TRPM3: variants seen among roughly 807,000 people sequenced by gnomAD.
TRPM3 encodes long transient receptor potential channel 3.
In TRPM3, 77 loss-of-function variants were observed where a neutral mutation model predicts 181.2. That is an observed-to-expected ratio of 0.42 (90% CI 0.35 to 0.51). TRPM3 has a LOEUF of 0.51. TRPM3 is among the 20% of genes least tolerant of loss of function. The probability of loss-of-function intolerance (pLI) is 0.01; values close to 1 mark genes in which losing one functional copy is unlikely to be tolerated. For synonymous variants in TRPM3, 745 were observed against 796.4 expected, an observed-to-expected ratio of 0.94 and a Z score of 1.09; for missense variants, 1,759 against 2,196.7, an observed-to-expected ratio of 0.80 and a Z score of 3.98.
At chr9:70,570,968 A>C (rs1746786187) in intron 22 of TRPM3, among the ~76,000 whole-genome samples, 1 of 152,188 alleles carries the variant, frequency 6.6e-6, no homozygotes, top group African/African-American at 2.4e-5. Flanking sequence ...GGAAGAGATA[A>C]TGAGGTACAT....
chr9:71,231,351 G>A (rs2081037685), intron 1 of TRPM3, among the ~76,000 whole-genome samples: 1 of 152,102 alleles, frequency 6.6e-6, no homozygotes, highest in Admixed American at 6.5e-5. Flanking sequence ...GAGAGAGAGA[G>A]GGAGACTGGA....
At chr9:71,178,686 T>G (rs1030445422) in intron 1 of TRPM3, among the ~76,000 whole-genome samples, 1 of 152,160 alleles carries the variant, frequency 6.6e-6, no homozygotes, top group Non-Finnish European at 1.5e-5. Flanking sequence ...GCAGGAAAAT[T>G]CTGAGAAGAT....
chr9:70,774,994 T>C (rs1170991728), intron 7 of TRPM3: 1 of 152,224 alleles, frequency 6.6e-6, no homozygotes, highest in Non-Finnish European at 1.5e-5. Context: ...CTGCTCTATA[T>C]AGTTTTCATA....
chr9:70,687,085 G>A lies in TRPM3; in HGVS notation c.1273-5507C>T, dbSNP rs548548408. 3.9e-5 allele frequency among the ~76,000 whole-genome samples: 6 copies of A among 152,088 alleles called. No individual in the cohort carries two copies. The South Asian group carries it at 6.2e-4, about 16-fold the overall frequency. The stretch of plus-strand genomic sequence containing the variant: ...GTTGGGATCACGGGTGTCAGCCACT[G>A]CGCTGGATCTGAAACACTAGTTTCT... On this transcript the variant is annotated intron_variant, in intron 8 of 25. Transcript: ENST00000677713.
In TRPM3 at chr9:70,978,484, C is replaced by T. The variant is rs141382820; in HGVS notation, c.178-113973G>A. 4.6e-3 allele frequency among the ~76,000 whole-genome samples: 706 copies of T among 152,222 alleles called. 2 individuals carry two copies. Among genetic ancestry groups the T allele is most frequent in the Middle Eastern group, 0.01 (3 of 294 alleles). ...GGTTTTTTTCTCTTCTCAAAACTTA[C>T]GCTCTTTCTCTTCCAGCAACAATCC... On this transcript the variant is annotated intron_variant, in intron 1 of 25. Coordinates refer to ENST00000677713, the MANE Select transcript of TRPM3 (RefSeq NM_001366145.2).
intron 1 of TRPM3, among the ~76,000 whole-genome samples, chr9:71,009,156 C>T (rs189902611): frequency 6.6e-6 from 1 of 152,096 alleles, no homozygotes; most frequent in South Asian, 2.1e-4. Context: ...TGATCTGGAA[C>T]AAGACAAGGG....
chr9:71,396,799 T>TA lies in TRPM3; in HGVS notation c.183+49853dup, dbSNP rs528130723. Among the ~76,000 whole-genome samples the TA allele has an allele frequency of 2.4e-3, 357 of 150,856 alleles. 1 individual carries two copies. Among genetic ancestry groups the TA allele is most frequent in the African/African-American group, 7.8e-3 (320 of 41,122 alleles). On this transcript the variant is annotated intron_variant, in intron 1 of 24. Transcript: ENST00000357533. ...TAACACGGTGAAACCCCATCTCTAC[T>TA]AAAAAAAATACAAAAAATTTGCCAG...
At chr9:71,023,060 C>A (rs2097859568) in intron 1 of TRPM3, among the ~76,000 whole-genome samples, 1 of 151,934 alleles carries the variant, frequency 6.6e-6, no homozygotes, top group South Asian at 2.1e-4. Flanking sequence ...AGCTATAAAG[C>A]AGACTTGGTA....
At chr9:71,333,305 T>C (rs1363405205) in intron 1 of TRPM3, among the ~76,000 whole-genome samples, 1 of 151,918 alleles carries the variant, frequency 6.6e-6, no homozygotes, top group Non-Finnish European at 1.5e-5. Context: ...AGTACGAAAT[T>C]GACTTCTCAA....
intron 6 of TRPM3, among the ~76,000 whole-genome samples, chr9:70,803,909 C>A (rs896735686): frequency 3.9e-5 from 6 of 152,182 alleles, no homozygotes; most frequent in African/African-American, 1.4e-4. Context: ...TCTCTTTGAA[C>A]AGACCTTTAT....
chr9:71,089,099 T>TTATA (rs3040588), intron 1 of TRPM3, among the ~76,000 whole-genome samples: 52 of 147,632 alleles, frequency 3.5e-4, no homozygotes, highest in Non-Finnish European at 5.7e-4. Flanking sequence ...CATATATATA[T>TTATA]TATATATATG....
At chr9:70,869,539 A>G (rs1420846362) in intron 1 of TRPM3, among the ~76,000 whole-genome samples, 1 of 152,076 alleles carries the variant, frequency 6.6e-6, no homozygotes, top group African/African-American at 2.4e-5. Context: ...CATTTCTTTA[A>G]AGAGAAACTG....
chr9:70,752,226 A>C (rs1726019956), intron 8 of TRPM3, among the ~76,000 whole-genome samples: 2 of 152,296 alleles, frequency 1.3e-5, no homozygotes, highest in South Asian at 4.1e-4. Flanking sequence ...AAAATAGGGC[A>C]CCAGGGAAGG....
chr9:71,238,111 C>T lies in TRPM3; in HGVS notation c.183+208542G>A, dbSNP rs114046218. ...CAACTTTTTTTTCAAATCAAAGTAA[C>T]ACCTCTTCTGCATTTCTAAAAAGTA... On this transcript the variant is annotated intron_variant, in intron 1 of 24. Coordinates refer to the TRPM3 transcript ENST00000357533. Among the ~76,000 whole-genome samples, 222 of 152,254 alleles carry T rather than the reference C, an allele frequency of 1.5e-3. 3 individuals are homozygous for T. The highest frequency in any genetic ancestry group is 4.8e-3 in the African/African-American group (199 of 41,532).
chr9:70,857,426 G>C (rs186737752), intron 3 of TRPM3, among the ~76,000 whole-genome samples: 29 of 152,236 alleles, frequency 1.9e-4, no homozygotes, highest in Admixed American at 1.8e-3. Context: ...TGTGAACCTA[G>C]GATGTAAGTT....
At chr9:70,990,877 T>G (rs1373396954) in intron 1 of TRPM3, among the ~76,000 whole-genome samples, 1 of 152,188 alleles carries the variant, frequency 6.6e-6, no homozygotes, top group Non-Finnish European at 1.5e-5. Flanking sequence ...TCCTGAAGCT[T>G]GCATACTCAA....
intron 22 of TRPM3, among the ~76,000 whole-genome samples, chr9:70,590,383 G>A (rs1367009260): frequency 1.3e-5 from 2 of 152,112 alleles, no homozygotes; most frequent in Non-Finnish European, 2.9e-5. Flanking sequence ...ACACTGAATC[G>A]TTTCATAATA....
At chr9:70,650,994 T>G (rs181115424) in intron 9 of TRPM3, among the ~76,000 whole-genome samples, 1 of 152,284 alleles carries the variant, frequency 6.6e-6, no homozygotes, top group East Asian at 1.9e-4. Context: ...CCAGAAAAAT[T>G]TTTCTCCACT....
intron 9 of TRPM3, among the ~76,000 whole-genome samples, chr9:70,665,333 A>G (rs1250761022): frequency 6.6e-6 from 1 of 152,178 alleles, no homozygotes; most frequent in Non-Finnish European, 1.5e-5. Context: ...TAGAAACCTC[A>G]CAAAGTCAGA....
Sources: gnomAD v4.1 joint callset for allele counts (sites outside exome capture counted in the v4.1 genomes callset) on GRCh38, gnomAD v4.1.1 for gene constraint, MANE v1.5 for transcripts, NCBI Gene and HGNC (gene_info 2026-07-23, HGNC 2026-07-21) for gene names.